Variants in NT5DC2 observed in about 807,000 individuals in gnomAD.
The protein encoded by NT5DC2 is 5'-nucleotidase domain-containing protein 2.
A neutral mutation model predicts 70.0 loss-of-function variants in NT5DC2; 41 were observed. That is an observed-to-expected ratio of 0.59 (90% CI 0.46 to 0.76). The LOEUF (loss-of-function observed/expected upper bound fraction) is 0.76. Among genes scored for constraint, NT5DC2 ranks in the 30% least tolerant of loss-of-function variants. NT5DC2 has a pLI of 0.00. For missense variants in NT5DC2, 705 were observed against 783.2 expected (o/e 0.90, Z 1.19); for synonymous variants, 299 against 310.4 (o/e 0.96, Z 0.39).
rs192855409 is a variant in NT5DC2 at position 52,533,778 on chromosome 3, A to T, written c.-41T>A. 2.1e-6 allele frequency: 2 copies of T among 963,068 alleles called. No homozygotes were observed. The highest frequency in any genetic ancestry group is 3.6e-5 in the African/African-American group (2 of 55,920). 59.7% of individuals were successfully genotyped at this position (963,068 alleles called of 1,614,324 possible). A position where few individuals can be genotyped will look rare whatever the true frequency, so the allele number is the denominator to read the frequency against. On this transcript the variant is annotated 5_prime_UTR_variant, in exon 1 of 14. Transcript: ENST00000422318. ...CCCGCCGCCCGCGCTGCCCTCGGCC[A>T]GCCCGCCGCCCGCCGCCCGCCGCCC... is the stretch of plus-strand genomic sequence containing the variant.
chr3:52,534,322 C>G, upstream of NT5DC2: 1 of 746,760 alleles, frequency 1.3e-6, no homozygotes, highest in Non-Finnish European at 2.2e-6. Flanking sequence ...TGACTGCCCA[C>G]TGACCAGAGC....
intron 8 of NT5DC2, 39 bp from the exon 9 acceptor site, chr3:52,527,757 C>T (rs369767815): frequency 1.6e-5 from 25 of 1,611,144 alleles, no homozygotes; most frequent in African/African-American, 1.2e-4. Flanking sequence ...AGTCTGAGGG[C>T]GGCTCCGTGC....
chr3:52,534,800 CAGG>C, upstream of NT5DC2: 1 of 984,156 alleles, frequency 1.0e-6, no homozygotes. Flanking sequence ...CGCTGTCTTT[CAGG>C]GTGTGTGTAC....
chr3:52,527,757 C>G (rs369767815), intron 8 of NT5DC2, 39 bp from the exon 9 acceptor site: 1 of 1,611,144 alleles, frequency 6.2e-7, no homozygotes, highest in East Asian at 2.2e-5. Flanking sequence ...AGTCTGAGGG[C>G]GGCTCCGTGC....
chr3:52,527,521 G>A, intron 9 of NT5DC2, 96 bp downstream of exon 9: 3 of 1,482,086 alleles, frequency 2.0e-6, no homozygotes, highest in Non-Finnish European at 1.9e-6. Context: ...ATTGGGCAGT[G>A]GGCAAGGGCC....
At chr3:52,530,110 C>T (rs141505068) in intron 1 of NT5DC2, among the ~76,000 whole-genome samples, 85 of 152,316 alleles carry the variant, frequency 5.6e-4, no homozygotes, top group African/African-American at 1.9e-3. Flanking sequence ...TTCAGCTGCC[C>T]GCAAGCCCAT....
In NT5DC2 at chr3:52,529,161, C is replaced by T. The variant is rs759553382; in HGVS notation, c.406G>A (p.Glu136Lys). ...GACCCCCGTCTCACCTTGTAGTGCTCGATCAGGATGTCACGGGCGGTACTG... is the reference window on the plus strand; with the variant it reads ...GACCCCCGTCTCACCTTGTAGTGCTTGATCAGGATGTCACGGGCGGTACTG... ...IFSTARDILI[E>K]HYKYPEGIRK... The change falls in exon 2 of 14, where the codon GAG becomes AAG. Residue 136 changes from glutamate (E) to lysine (K), a missense_variant. Coordinates refer to ENST00000422318, the MANE Select transcript of NT5DC2 (RefSeq NM_001134231.2). This position sits in a 1 kb window ranked among gnomAD's most constrained non-coding sequence, Gnocchi z 4.1. 5.0e-6 allele frequency: 8 copies of T among 1,613,872 alleles called. No individual in the cohort carries two copies. The highest frequency in any genetic ancestry group is 1.3e-5 in the African/African-American group (1 of 74,870).
chr3:52,530,619 G>A (rs1005004839), intron 1 of NT5DC2, among the ~76,000 whole-genome samples: 5 of 152,154 alleles, frequency 3.3e-5, no homozygotes, highest in African/African-American at 1.2e-4. Context: ...GGAGGCTGAG[G>A]CGAGAGGATT....
Position 52,529,311 on chromosome 3 carries a change from T to C in NT5DC2, c.256A>G (p.Ser86Gly). Reference sequence around the variant, plus strand: ...TAGATGGCTGCTGGGTTCAGGAGACTGCAGACCTCGGGGGGCAGGAGGTCT... The same window carrying C: ...TAGATGGCTGCTGGGTTCAGGAGACCGCAGACCTCGGGGGGCAGGAGGTCT... ...VHDLLPPEVC[S>G]LLNPAAIYAN... Residue 86 changes from serine (S) to glycine (G), a missense_variant, in exon 2 of 14, where the codon AGT (serine) becomes GGT (glycine). Ser to Gly is a moderately conservative substitution (Grantham distance 56). Coordinates refer to ENST00000422318, the MANE Select transcript of NT5DC2 (RefSeq NM_001134231.2). The surrounding 1 kb of genome is among the most constrained non-coding windows in gnomAD (Gnocchi z 4.1). The C allele has an allele frequency of 1.2e-6, 2 of 1,613,654 alleles. No homozygotes were observed. The highest frequency in any genetic ancestry group is 1.7e-6 in the Non-Finnish European group (2 of 1,179,926).
chr3:52,534,730 T>G (rs1575394783), upstream of NT5DC2: 1 of 1,535,630 alleles, frequency 6.5e-7, no homozygotes, highest in Non-Finnish European at 8.8e-7. Flanking sequence ...GCCGACCCAG[T>G]AGCCGTGGGC....
Position 52,527,357 on chromosome 3 carries a change from A to G in NT5DC2, c.1056T>C (p.Asp352=), listed in dbSNP as rs1559737295. The change falls in exon 10 of 14, where the codon GAT becomes GAC. Residue 352 remains aspartate, a synonymous_variant. Transcript: ENST00000422318. ...GGTCCCACTGAAGTGAGCCCTTCTC[A>G]TCGAGTTTTCTGAAAGGCCTGGGGT... ...TDRRKPFRKL[D]EKGSLQWDRI... The G allele has an allele frequency of 3.1e-6, 5 of 1,613,970 alleles. No individual in the cohort carries two copies. The highest frequency in any genetic ancestry group is 4.2e-6 in the Non-Finnish European group (5 of 1,180,012).
rs2079388052 is a variant in NT5DC2, at chr3:52,533,503, C to G, written c.232+3G>C. 6.7e-7 allele frequency: 1 copy of G among 1,496,438 alleles called. No individual in the cohort carries two copies. Among genetic ancestry groups the G allele is most frequent in the African/African-American group, 1.5e-5 (1 of 68,338 alleles). The allele number at this position is 1,496,438 out of a possible 1,614,324, so 92.7% of individuals were successfully genotyped here. A position where few individuals can be genotyped will look rare whatever the true frequency, so the allele number is the denominator to read the frequency against. On this transcript the variant is annotated splice_donor_region_variant and intron_variant, in intron 1 of 13. Coordinates refer to ENST00000422318, the MANE Select transcript of NT5DC2 (RefSeq NM_001134231.2). ...GGCGCACGTCCCGCCCCGGCTCACCCACCGTGCACCAGTCTCCGCATGTCC... is the reference window on the plus strand; with the variant it reads ...GGCGCACGTCCCGCCCCGGCTCACCGACCGTGCACCAGTCTCCGCATGTCC...
chr3:52,527,639 T>C lies in NT5DC2; in HGVS notation c.1015A>G (p.Ser339Gly). 1 of 1,613,088 alleles carries C rather than the reference T, an allele frequency of 6.2e-7. No individual in the cohort carries two copies. The highest frequency in any genetic ancestry group is 8.5e-7 in the Non-Finnish European group (1 of 1,180,014). Residue 339 changes from serine (S) to glycine (G), a missense_variant, in exon 9 of 14, where the codon AGC becomes GGC. Ser to Gly is a moderately conservative substitution (Grantham distance 56, BLOSUM62 0). Transcript: ENST00000422318. ...DVVIVQADKP[S>G]FFTDRRKPFR... ...TACTTGCGCCGGTCAGTGAAGAAGCTGGGCTTGTCTGCCTGGACAATGACC... is the reference window on the plus strand; with the variant it reads ...TACTTGCGCCGGTCAGTGAAGAAGCCGGGCTTGTCTGCCTGGACAATGACC...
chr3:52,532,460 C>T (rs2079373845), intron 1 of NT5DC2: 1 of 985,318 alleles, frequency 1.0e-6, no homozygotes, highest in Admixed American at 6.2e-5. Flanking sequence ...GGGCCTTTAC[C>T]ATCCTGCCTT....
chr3:52,526,063 G>A (rs1308826262), intron 10 of NT5DC2: 1 of 152,280 alleles, frequency 6.6e-6, no homozygotes, highest in Non-Finnish European at 1.5e-5. Flanking sequence ...GTGACTGACA[G>A]GCAGGATCCA....
intron 10 of NT5DC2, among the ~76,000 whole-genome samples, chr3:52,526,913 C>T (rs1270539654): frequency 6.6e-6 from 1 of 152,218 alleles, no homozygotes; most frequent in Non-Finnish European, 1.5e-5. Flanking sequence ...ATCCTGCAGC[C>T]TCAGCCTCCC....
In NT5DC2 at chr3:52,527,534, G is replaced by C. The variant is rs989144287; in HGVS notation, c.1037+83C>G. ...ACATTGGGCAGTGGGCAAGGGCCAGGTTGGCCTCCTGCTTCAGTCCCCTCA... is the reference window on the plus strand; with the variant it reads ...ACATTGGGCAGTGGGCAAGGGCCAGCTTGGCCTCCTGCTTCAGTCCCCTCA... On this transcript the variant is annotated intron_variant, in intron 9 of 13. Transcript: ENST00000422318. The C allele has an allele frequency of 3.9e-6, 6 of 1,519,428 alleles. No individual in the cohort carries two copies. The African/African-American group carries it at 8.2e-5, about 21-fold the overall frequency. 94.1% of individuals were successfully genotyped at this position (1,519,428 alleles called of 1,614,324 possible). A position where few individuals can be genotyped will look rare whatever the true frequency, so the allele number is the denominator to read the frequency against.
chr3:52,528,616 G>GT, intron 4 of NT5DC2, 21 bp downstream of exon 4: 1 of 680,192 alleles, frequency 1.5e-6, no homozygotes, highest in East Asian at 5.6e-5. Flanking sequence ...CGGGGGTGGG[G>GT]TTGGGGCAGA....
rs1256564600 is a variant in NT5DC2 at position 52,524,899 on chromosome 3, G to A, written c.1348-18C>T. ...TGATAGGTCTGGGGACACAAAGTGT[G>A]CATTGGGTGTGTGCACCCAGGAGGC... is the stretch of plus-strand genomic sequence containing the variant. On this transcript the variant is annotated intron_variant, in intron 12 of 13. Transcript: ENST00000422318. The A allele has an allele frequency of 3.7e-6, 6 of 1,612,022 alleles. No homozygotes were observed. The highest frequency in any genetic ancestry group is 5.1e-6 in the Non-Finnish European group (6 of 1,179,550).
Sources: gnomAD v4.1 joint callset for allele counts (sites outside exome capture counted in the v4.1 genomes callset) on GRCh38, gnomAD v4.1.1 for gene constraint, Gnocchi (gnomAD v3.1) non-coding constraint, MANE v1.5 for transcripts, NCBI Gene and HGNC (gene_info 2026-07-23, HGNC 2026-07-21) for gene names.